Variants in DAB1 observed in about 807,000 individuals in gnomAD.
DAB1 encodes disabled homolog 1.
In DAB1, 15 loss-of-function variants were observed where a neutral mutation model predicts 64.6. The observed-to-expected ratio is 0.23, with a 90% CI of 0.16 to 0.36. DAB1 has a LOEUF of 0.36. DAB1 is among the 10% of genes least tolerant of loss of function. The pLI is 1.00. For missense variants in DAB1, 596 were observed against 706.7 expected (o/e 0.84, Z 1.78); for synonymous variants, 235 against 251.9 (o/e 0.93, Z 0.64).
At chr1:57,569,376 G>A (rs1046634998) in intron 7 of DAB1, among the ~76,000 whole-genome samples, 4 of 151,702 alleles carry the variant, frequency 2.6e-5, no homozygotes, top group African/African-American at 9.7e-5. Flanking sequence ...AGAAAATGTG[G>A]CACATATACA....
At chr1:57,427,465 T>C (rs529686411), upstream of DAB1, among the ~76,000 whole-genome samples, 5 of 152,276 alleles carry the variant, frequency 3.3e-5, no homozygotes, top group African/African-American at 1.2e-4. Flanking sequence ...TTCAAGATAC[T>C]CAAAGGAGCA....
chr1:57,318,103 T>A (rs1149630), intron 1 of DAB1, among the ~76,000 whole-genome samples: 67,126 of 147,532 alleles, frequency 0.45, 16,028 homozygotes, highest in East Asian at 0.89. Context: ...GCACACAGCA[T>A]CTCTCACTTT....
intron 4 of DAB1, among the ~76,000 whole-genome samples, chr1:58,252,041 C>T (rs960538088): frequency 4.6e-5 from 7 of 152,170 alleles, no homozygotes; most frequent in Non-Finnish European, 7.3e-5. Flanking sequence ...GTATCCTTTT[C>T]CTTAACTGGA....
chr1:58,539,453 T>C, intron 1 of DAB1: 1 of 588,192 alleles, frequency 1.7e-6, no homozygotes, highest in East Asian at 2.8e-5. Flanking sequence ...TCATCACCCC[T>C]AGAGCAACGC....
At chr1:57,106,672 C>T (rs1655188677) in intron 4 of DAB1, among the ~76,000 whole-genome samples, 1 of 152,094 alleles carries the variant, frequency 6.6e-6, no homozygotes, top group Admixed American at 6.5e-5. Context: ...CCCTTTGATC[C>T]AACCGTAGGA....
chr1:58,272,800 A>C (rs1661338981), intron 4 of DAB1, among the ~76,000 whole-genome samples: 1 of 151,192 alleles, frequency 6.6e-6, no homozygotes, highest in South Asian at 2.1e-4. Context: ...TGTTGGTTTA[A>C]AGTCTGTTTT....
intron 4 of DAB1, among the ~76,000 whole-genome samples, chr1:57,079,529 G>A (rs982078842): frequency 2.6e-5 from 4 of 152,062 alleles, no homozygotes; most frequent in African/African-American, 9.7e-5. Flanking sequence ...AAGAAAACCT[G>A]GCAAATCTGA....
chr1:57,755,523 T>G (rs917888647), intron 6 of DAB1, among the ~76,000 whole-genome samples: 1 of 152,220 alleles, frequency 6.6e-6, no homozygotes, highest in Non-Finnish European at 1.5e-5. Context: ...TTGCCACTTT[T>G]GTTACTCTTG....
intron 4 of DAB1, among the ~76,000 whole-genome samples, chr1:57,085,236 C>T (rs1357888187): frequency 2.0e-5 from 3 of 152,156 alleles, no homozygotes; most frequent in South Asian, 2.1e-4. Flanking sequence ...GCTTCATGCC[C>T]GTTTTACTAC....
intron 1 of DAB1, among the ~76,000 whole-genome samples, chr1:57,831,393 A>G (rs776228935): frequency 6.6e-6 from 1 of 152,132 alleles, no homozygotes; most frequent in African/African-American, 2.4e-5. Flanking sequence ...GAGTGTTACT[A>G]TATGTTAAGA....
At chr1:57,402,308 A>G (rs1478389833) in intron 1 of DAB1, among the ~76,000 whole-genome samples, 2 of 152,244 alleles carry the variant, frequency 1.3e-5, no homozygotes, top group African/African-American at 2.4e-5. Context: ...TTTAGTCACC[A>G]TATTTTATTA....
intron 7 of DAB1, among the ~76,000 whole-genome samples, chr1:57,559,715 C>G (rs1395198031): frequency 6.6e-6 from 1 of 152,180 alleles, no homozygotes; most frequent in South Asian, 2.1e-4. Context: ...TTGGCACAGA[C>G]TCACTTAGCA....
At chr1:57,906,193 T>C (rs1354284971) in intron 5 of DAB1, among the ~76,000 whole-genome samples, 1 of 152,134 alleles carries the variant, frequency 6.6e-6, no homozygotes, top group East Asian at 1.9e-4. Flanking sequence ...CAGCAGCCAT[T>C]GTGTATGTAG....
chr1:57,408,679 G>A (rs958842336), intron 1 of DAB1, among the ~76,000 whole-genome samples: 5 of 152,292 alleles, frequency 3.3e-5, no homozygotes, highest in South Asian at 4.1e-4. Flanking sequence ...GATGGGATAC[G>A]GTAGGAGAAA....
At chr1:57,943,385 C>A (rs900236210) in intron 5 of DAB1, among the ~76,000 whole-genome samples, 7 of 152,160 alleles carry the variant, frequency 4.6e-5, no homozygotes, top group African/African-American at 1.7e-4. Context: ...GTAGTAAGCT[C>A]ATGTGTGTTA....
intron 3 of DAB1, among the ~76,000 whole-genome samples, chr1:58,409,715 C>G (rs1644649007): frequency 6.6e-6 from 1 of 152,150 alleles, no homozygotes. Context: ...GTTATATGAT[C>G]ATTAAGGTGC....
At chr1:57,711,687 A>G (rs1647031718) in intron 6 of DAB1, among the ~76,000 whole-genome samples, 1 of 152,202 alleles carries the variant, frequency 6.6e-6, no homozygotes, top group African/African-American at 2.4e-5. Flanking sequence ...ATACTGCCCC[A>G]TATCTTTTTA....
At chr1:57,791,996 C>T (rs183694629) in intron 6 of DAB1, among the ~76,000 whole-genome samples, 1 of 152,324 alleles carries the variant, frequency 6.6e-6, no homozygotes, top group Non-Finnish European at 1.5e-5. Context: ...CTTCTGTTAA[C>T]AGTCACTAAG....
At chr1:58,417,957 T>TA (rs965443059) in intron 3 of DAB1, among the ~76,000 whole-genome samples, 3 of 152,156 alleles carry the variant, frequency 2.0e-5, no homozygotes, top group Non-Finnish European at 4.4e-5. Context: ...CTCTTGCTCT[T>TA]ACACTTCTCA....
Sources: allele counts gnomAD v4.1 joint callset (sites outside exome capture counted in the v4.1 genomes callset), GRCh38; gene constraint gnomAD v4.1.1; transcripts MANE v1.5; gene names NCBI Gene and HGNC (gene_info 2026-07-23, HGNC 2026-07-21).